NWD2: variants seen among roughly 807,000 people sequenced by gnomAD.
The protein encoded by NWD2 is NACHT and WD repeat domain containing 2, also known as NACHT and WD repeat domain-containing protein 2.
In NWD2, 37 loss-of-function variants were observed where a neutral mutation model predicts 132.7. That is an observed-to-expected ratio of 0.28 (90% CI 0.21 to 0.37). NWD2 has a LOEUF of 0.37. Among genes scored for constraint, NWD2 ranks in the 10% least tolerant of loss-of-function variants. NWD2 has a pLI of 1.00. For missense variants in NWD2, 1,592 were observed against 2,122.4 expected, an observed-to-expected ratio of 0.75 and a Z score of 4.91; for synonymous variants, 705 against 803.0, an observed-to-expected ratio of 0.88 and a Z score of 2.06.
chr4:37,415,773 G>C (rs1045864652), intron 3 of NWD2, among the ~76,000 whole-genome samples: 1 of 151,280 alleles, frequency 6.6e-6, no homozygotes, highest in African/African-American at 2.4e-5. Context: ...GTCCAGTTAA[G>C]GATTAGGCAC....
chr4:37,366,294 G>A (rs1720097058), intron 3 of NWD2, among the ~76,000 whole-genome samples: 1 of 152,148 alleles, frequency 6.6e-6, no homozygotes, highest in African/African-American at 2.4e-5. Flanking sequence ...TTCAAAGTAA[G>A]CAGAATCTAA....
intron 5 of NWD2, 113 bp downstream of exon 5, chr4:37,434,133 A>G: frequency 3.2e-6 from 2 of 624,398 alleles, no homozygotes; most frequent in Non-Finnish European, 2.6e-6. Context: ...GTGAAATTTA[A>G]TTTTTCTAAA....
chr4:37,334,925 T>C (rs1028999709), intron 2 of NWD2, among the ~76,000 whole-genome samples: 1 of 152,162 alleles, frequency 6.6e-6, no homozygotes, highest in South Asian at 2.1e-4. Flanking sequence ...TCTGTTCCTT[T>C]TGTTCGTATC....
In NWD2 at chr4:37,352,634, G is replaced by T. The variant is rs188134726; in HGVS notation, c.241-3732G>T. On this transcript the variant is annotated intron_variant, in intron 2 of 6. Coordinates refer to ENST00000309447, the MANE Select transcript of NWD2 (RefSeq NM_001144990.2). ...TGTAATGCCCTTCTTTGTCTATTTT[G>T]ATCTTTGTTGGTTTAAAGTCTGTTT... Among the ~76,000 whole-genome samples the T allele has an allele frequency of 6.9e-3, 1,046 of 152,224 alleles. 11 individuals carry two copies. The highest frequency in any genetic ancestry group is 0.024 in the African/African-American group (996 of 41,510).
chr4:37,419,861 A>T (rs1040051894), intron 3 of NWD2, among the ~76,000 whole-genome samples: 10 of 152,242 alleles, frequency 6.6e-5, no homozygotes, highest in African/African-American at 1.9e-4. Context: ...TAAGCTAAAA[A>T]TTGTTGAACT....
At chr4:37,349,084 G>T (rs1560401096) in intron 2 of NWD2, among the ~76,000 whole-genome samples, 1 of 151,982 alleles carries the variant, frequency 6.6e-6, no homozygotes, top group Non-Finnish European at 1.5e-5. Context: ...GTCTATCACT[G>T]ATGGGCATTC....
At chr4:37,412,169 C>T (rs529723439) in intron 3 of NWD2, among the ~76,000 whole-genome samples, 48 of 152,148 alleles carry the variant, frequency 3.2e-4, no homozygotes, top group African/African-American at 4.3e-4. Flanking sequence ...AAAGGGAATT[C>T]GAATAGGAAC....
rs114667527 is a variant in NWD2, at chr4:37,446,127, G to A, written c.4139G>A (p.Ser1380Asn). The change falls in exon 7 of 7, where the codon AGC becomes AAC. Residue 1380 changes from serine to asparagine, a missense_variant. Ser to Asn is a conservative substitution (Grantham distance 46). Transcript: ENST00000309447. The surrounding 1 kb of genome is among the most constrained non-coding windows in gnomAD (Gnocchi z 6.7). ...ATGGTGACATCAGATGACAAAAGCA[G>A]CCAGTATGTCTGGCACACCAGCAGT... is the stretch of plus-strand genomic sequence containing the variant. ...DIMVTSDDKS[S>N]QYVWHTSSGE... 37 of 1,551,766 alleles carry A rather than the reference G, an allele frequency of 2.4e-5. No homozygotes were observed. The African/African-American group carries it at 5.1e-4, about 21-fold the overall frequency.
intron 1 of NWD2, among the ~76,000 whole-genome samples, chr4:37,246,363 T>C (rs1034158167): frequency 2.0e-5 from 3 of 152,134 alleles, no homozygotes; most frequent in Non-Finnish European, 4.4e-5. Context: ...AAGTCTGAGG[T>C]AAAGCTTACA....
rs376079547 is a variant in NWD2 at position 37,430,700 on chromosome 4, T to C, written c.486T>C (p.Cys162=). 1.9e-5 allele frequency: 30 copies of C among 1,551,616 alleles called. 2 individuals carry two copies. The African/African-American group carries it at 4.1e-4, about 21-fold the overall frequency. ...CCAAGTTGCTGGAGGAGTGGTACTG[T>C]CGAGATGAGAACTCGGTGCCAGCAG... ...LETKLLEEWY[C]RDENSVPAAY... Residue 162 remains cysteine (C), a synonymous_variant, in exon 4 of 7, where the codon TGT becomes TGC. Transcript: ENST00000309447.
chr4:37,296,501 C>A (rs887221104), intron 1 of NWD2, among the ~76,000 whole-genome samples: 1 of 152,130 alleles, frequency 6.6e-6, no homozygotes, highest in Non-Finnish European at 1.5e-5. Flanking sequence ...CACGGAATAC[C>A]ACTCAGCCAT....
intron 1 of NWD2, among the ~76,000 whole-genome samples, chr4:37,308,169 T>C (rs1718749234): frequency 6.6e-6 from 1 of 152,242 alleles, no homozygotes; most frequent in Admixed American, 6.5e-5. Context: ...TTTTCCTTGC[T>C]TTTTCATGTT....
rs750649563 is a variant in NWD2 at position 37,396,119 on chromosome 4, C to T, written c.358-34453C>T. On this transcript the variant is annotated intron_variant, in intron 3 of 6. Transcript: ENST00000309447. ...ACAAATTTAAGCCAACCCTGCCTGC[C>T]GTCTTGCATGCCATCATGACTGGTG... is the stretch of plus-strand genomic sequence containing the variant. 5.3e-5 allele frequency among the ~76,000 whole-genome samples: 8 copies of T among 152,150 alleles called. No individual in the cohort carries two copies. In the East Asian group the frequency reaches 1.5e-3, roughly 29 times the overall value.
chr4:37,370,373 C>G (rs1411928232), intron 3 of NWD2, among the ~76,000 whole-genome samples: 1 of 152,104 alleles, frequency 6.6e-6, no homozygotes, highest in Non-Finnish European at 1.5e-5. Context: ...TTATATGCCA[C>G]CAGCAATATT....
intron 3 of NWD2, among the ~76,000 whole-genome samples, chr4:37,404,977 C>T (rs1720967763): frequency 6.6e-6 from 1 of 152,152 alleles, no homozygotes; most frequent in Non-Finnish European, 1.5e-5. Flanking sequence ...GCCCCATCAC[C>T]AATACTGGGG....
At chr4:37,320,884 G>A (rs1157839861) in intron 1 of NWD2, among the ~76,000 whole-genome samples, 1 of 152,172 alleles carries the variant, frequency 6.6e-6, no homozygotes, top group Non-Finnish European at 1.5e-5. Flanking sequence ...TAGGTTGGGT[G>A]CACTGGCTTA....
At chr4:37,271,446 A>AT (rs1717869371) in intron 1 of NWD2, among the ~76,000 whole-genome samples, 3 of 151,838 alleles carry the variant, frequency 2.0e-5, no homozygotes. Context: ...TTTGCTAAGT[A>AT]TTTTAAATTT....
At chr4:37,336,065 G>A (rs1326780065) in intron 2 of NWD2, among the ~76,000 whole-genome samples, 1 of 151,852 alleles carries the variant, frequency 6.6e-6, no homozygotes, top group Non-Finnish European at 1.5e-5. Flanking sequence ...AAATTTGTTT[G>A]CCAAAAATGT....
intron 2 of NWD2, among the ~76,000 whole-genome samples, chr4:37,345,198 A>C (rs1291194811): frequency 6.6e-6 from 1 of 152,144 alleles, no homozygotes; most frequent in Non-Finnish European, 1.5e-5. Flanking sequence ...ACAAGTTTTT[A>C]TGTGGACATA....
Sources: gnomAD v4.1 joint callset for allele counts (sites outside exome capture counted in the v4.1 genomes callset) on GRCh38, gnomAD v4.1.1 for gene constraint, Gnocchi (gnomAD v3.1) non-coding constraint, MANE v1.5 for transcripts, NCBI Gene and HGNC (gene_info 2026-07-23, HGNC 2026-07-21) for gene names.